DNAH14: variants seen among roughly 807,000 people sequenced by gnomAD.
DNAH14 encodes axonemal beta dynein heavy chain 14.
DNAH14 carries 478 observed loss-of-function variants against 520.9 expected under a neutral mutation model. That is an observed-to-expected ratio of 0.92 (90% CI 0.85 to 0.99). The LOEUF is 0.99. Among genes scored for constraint, DNAH14 ranks in the 50% least tolerant of loss-of-function variants. The probability of loss-of-function intolerance (pLI) is 0.00; values close to 1 mark genes in which losing one functional copy is unlikely to be tolerated. For synonymous variants in DNAH14, 1,581 were observed against 1,757.2 expected (o/e 0.90, Z 2.51); for missense variants, 4,831 against 5,234.5 (o/e 0.92, Z 2.38).
At chr1:225,319,734 G>A (rs2094527436) in intron 61 of DNAH14, among the ~76,000 whole-genome samples, 1 of 152,182 alleles carries the variant, frequency 6.6e-6, no homozygotes, top group South Asian at 2.1e-4. Flanking sequence ...TCTGGGCACT[G>A]AGGTTGTAGC....
At position 225,308,898 on chromosome 1, in the gene DNAH14, A is replaced by G. The variant is rs150301953; in HGVS notation, c.9240+488A>G. ...CTGCATGCTCAACTCTGGTCTGATC[A>G]GTAGCTATTCCTGCTCAGAGCAAGT... On this transcript the variant is annotated intron_variant, in intron 60 of 85. Transcript: ENST00000682510. Among the ~76,000 whole-genome samples, 1,082 of 152,364 alleles carry G rather than the reference A, an allele frequency of 7.1e-3. 43 individuals are homozygous for G. The highest frequency in any genetic ancestry group is 0.05 in the Admixed American group (760 of 15,298).
At chr1:225,385,928 C>G (rs1233222043) in intron 81 of DNAH14, among the ~76,000 whole-genome samples, 1 of 152,132 alleles carries the variant, frequency 6.6e-6, no homozygotes, top group African/African-American at 2.4e-5. Context: ...CCAAGACAAT[C>G]CTAAGCCAAA....
chr1:225,326,757 C>A (rs946080928), intron 64 of DNAH14, among the ~76,000 whole-genome samples: 1 of 151,486 alleles, frequency 6.6e-6, no homozygotes, highest in African/African-American at 2.4e-5. Flanking sequence ...CCTTTTTTTG[C>A]AACAATTACT....
intron 84 of DNAH14, among the ~76,000 whole-genome samples, chr1:225,393,289 T>C (rs1042266270): frequency 2.0e-5 from 3 of 152,146 alleles, no homozygotes; most frequent in Non-Finnish European, 4.4e-5. Context: ...CACTTAACGA[T>C]GGGGATACAT....
chr1:225,172,045 G>T (rs2082738665), intron 36 of DNAH14, among the ~76,000 whole-genome samples: 1 of 152,094 alleles, frequency 6.6e-6, no homozygotes, highest in Non-Finnish European at 1.5e-5. Context: ...ATGCAGAAAA[G>T]GCCTTTGACA....
chr1:225,031,393 C>T (rs1169284487), intron 11 of DNAH14, among the ~76,000 whole-genome samples: 1 of 151,972 alleles, frequency 6.6e-6, no homozygotes, highest in East Asian at 1.9e-4. Flanking sequence ...TTTGTTTACC[C>T]ATTGTCTGTG....
chr1:224,975,248 A>G (rs1400018717), intron 8 of DNAH14, among the ~76,000 whole-genome samples: 3 of 152,202 alleles, frequency 2.0e-5, no homozygotes, highest in Non-Finnish European at 4.4e-5. Flanking sequence ...CATAAAATGA[A>G]TTAGGGAGGA....
At chr1:225,147,446 C>G (rs913593866) in intron 31 of DNAH14, among the ~76,000 whole-genome samples, 197 bp downstream of exon 31, 1 of 152,058 alleles carries the variant, frequency 6.6e-6, no homozygotes, top group African/African-American at 2.4e-5. Context: ...ATATTTATAA[C>G]TCTAACTTTC....
chr1:225,356,842 A>G (rs2095434929), intron 73 of DNAH14, among the ~76,000 whole-genome samples: 1 of 152,190 alleles, frequency 6.6e-6, no homozygotes, highest in Admixed American at 6.5e-5. Context: ...CTTTAAACCC[A>G]TGCCACATTA....
At chr1:225,075,120 G>A (rs758559081) in intron 17 of DNAH14, among the ~76,000 whole-genome samples, 1 of 152,134 alleles carries the variant, frequency 6.6e-6, no homozygotes, top group Admixed American at 6.5e-5. Context: ...CAGACTGAAG[G>A]CCCTGGTGAA....
intron 73 of DNAH14, among the ~76,000 whole-genome samples, chr1:225,357,490 T>C (rs1005150927): frequency 3.3e-5 from 5 of 152,184 alleles, no homozygotes; most frequent in African/African-American, 1.2e-4. Context: ...AAACACCTAA[T>C]CATTTGTTTC....
chr1:225,310,956 T>C (rs2094352289), intron 60 of DNAH14, among the ~76,000 whole-genome samples: 1 of 152,220 alleles, frequency 6.6e-6, no homozygotes, highest in Admixed American at 6.5e-5. Flanking sequence ...CCTTTTGGTA[T>C]ATACTCAGTA....
chr1:225,358,307 G>C (rs866725432), intron 73 of DNAH14, among the ~76,000 whole-genome samples, 189 bp from the exon 74 acceptor site: 10 of 152,176 alleles, frequency 6.6e-5, no homozygotes, highest in Admixed American at 5.2e-4. Context: ...AGGGCCACAT[G>C]ATGGCCACAG....
At chr1:225,335,947 G>GTA (rs1469038146) in intron 66 of DNAH14, among the ~76,000 whole-genome samples, 1 of 114,156 alleles carries the variant, frequency 8.8e-6, no homozygotes, top group African/African-American at 3.0e-5. Flanking sequence ...ATACATATAT[G>GTA]TATATATACA....
chr1:225,264,367 G>C (rs1264070069), intron 47 of DNAH14, 106 bp downstream of exon 47: 7 of 967,840 alleles, frequency 7.2e-6, no homozygotes, highest in Non-Finnish European at 1.1e-5. Context: ...AATTTCAATT[G>C]GTAATTTAAT....
chr1:225,326,506 G>A (rs2094673867), intron 64 of DNAH14, among the ~76,000 whole-genome samples: 1 of 152,012 alleles, frequency 6.6e-6, no homozygotes. Context: ...GTGCTTCCTG[G>A]GACATGGAGC....
intron 35 of DNAH14, among the ~76,000 whole-genome samples, chr1:225,162,207 G>C (rs1334029678): frequency 2.6e-5 from 4 of 152,142 alleles, no homozygotes; most frequent in Non-Finnish European, 5.9e-5. Context: ...TAGGGGTCTA[G>C]TTTCATTCTT....
chr1:225,374,212 T>TA, intron 77 of DNAH14, among the ~76,000 whole-genome samples: 1 of 53,830 alleles, frequency 1.9e-5, no homozygotes, highest in Non-Finnish European at 3.8e-5. Flanking sequence ...ACTATTCTAG[T>TA]AAGACAAATG....
At chr1:224,967,733 T>TTTAATAACTCCTTGGGA in intron 6 of DNAH14, 150 bp downstream of exon 6, 1 of 1,551,306 alleles carries the variant, frequency 6.4e-7, no homozygotes, top group Non-Finnish European at 8.7e-7. Context: ...CTTGGGAGCA[T>TTTAATAACTCCTTGGGA]GTTATTTAAT....
Sources: gnomAD v4.1 joint callset for allele counts (sites outside exome capture counted in the v4.1 genomes callset) on GRCh38, gnomAD v4.1.1 for gene constraint, MANE v1.5 for transcripts, NCBI Gene and HGNC (gene_info 2026-07-23, HGNC 2026-07-21) for gene names.